Variants in TRPC1 observed in about 807,000 individuals in gnomAD.
TRPC1 encodes short transient receptor potential channel 1.
A neutral mutation model predicts 88.2 loss-of-function variants in TRPC1; 42 were observed. The ratio of observed to expected loss-of-function variants is 0.48; its 90% CI spans 0.37 to 0.62. The LOEUF (loss-of-function observed/expected upper bound fraction) is 0.62. TRPC1 is among the 20% of genes least tolerant of loss of function. The pLI, the probability that TRPC1 is intolerant of heterozygous loss-of-function variation, is 0.00. For missense variants in TRPC1, 699 were observed against 957.3 expected, an observed-to-expected ratio of 0.73 and a Z score of 3.56; for synonymous variants, 288 against 331.8, an observed-to-expected ratio of 0.87 and a Z score of 1.43.
chr3:142,798,464 A>G (rs1936518222), intron 9 of TRPC1, among the ~76,000 whole-genome samples: 2 of 152,314 alleles, frequency 1.3e-5, no homozygotes, highest in African/African-American at 2.4e-5. Context: ...CTGAGGAAGT[A>G]GCCGGAGAGA....
intron 4 of TRPC1, among the ~76,000 whole-genome samples, chr3:142,773,187 T>C (rs912275859): frequency 6.6e-6 from 1 of 152,162 alleles, no homozygotes; most frequent in Admixed American, 6.5e-5. Flanking sequence ...ATTTCAGTCA[T>C]TGTACTTTTT....
At chr3:142,793,911 T>TCCTGAAGTGTGGCTCTCTTAA in intron 9 of TRPC1, 1 of 985,252 alleles carries the variant, frequency 1.0e-6, no homozygotes, top group Non-Finnish European at 1.2e-6. Context: ...CAACAGTGTT[T>TCCTGAAGTGTGGCTCTCTTAA]CCTGAAGTGT....
intron 4 of TRPC1, among the ~76,000 whole-genome samples, chr3:142,775,356 C>T (rs1935731287): frequency 6.6e-6 from 1 of 152,080 alleles, no homozygotes; most frequent in Non-Finnish European, 1.5e-5. Context: ...GTATTTAAGT[C>T]GCCTGTAATC....
intron 4 of TRPC1, among the ~76,000 whole-genome samples, chr3:142,772,168 GT>G (rs1935598711): frequency 6.6e-6 from 1 of 152,144 alleles, no homozygotes; most frequent in African/African-American, 2.4e-5. Flanking sequence ...CCTACTTGGA[GT>G]TTTTTTAGCT....
chr3:142,740,289 A>G lies in TRPC1; in HGVS notation c.328-3196A>G, dbSNP rs183130812. On this transcript the variant is annotated intron_variant, in intron 2 of 12. Transcript: ENST00000476941. ...CGTGGGTGACTAAGAGAAGGAAGAAAGGAAAACATTAAGTTCAGAAGCTAA... is the reference window on the plus strand; with the variant it reads ...CGTGGGTGACTAAGAGAAGGAAGAAGGGAAAACATTAAGTTCAGAAGCTAA... Among the ~76,000 whole-genome samples, 110 of 152,364 alleles carry G rather than the reference A, an allele frequency of 7.2e-4. 4 individuals carry two copies. In the East Asian group the frequency reaches 0.02, roughly 27 times the overall value.
In TRPC1 at chr3:142,724,539, C is replaced by CT; in HGVS notation, c.-20dup. The CT allele has an allele frequency of 6.5e-7, 1 of 1,547,514 alleles. No homozygotes were observed. The highest frequency in any genetic ancestry group is 8.7e-7 in the Non-Finnish European group (1 of 1,148,930). On this transcript the variant is annotated 5_prime_UTR_variant, in exon 1 of 13. Transcript: ENST00000476941. This position sits in a 1 kb window ranked among gnomAD's most constrained non-coding sequence, Gnocchi z 5.6. ...GGGGGCCCCGCCCCCGTCTCCTGGC[C>CT]TGCCCCCTTCATGGGCCGCGATGAT...
intron 3 of TRPC1, among the ~76,000 whole-genome samples, chr3:142,747,876 C>T (rs1934616663): frequency 6.6e-6 from 1 of 152,024 alleles, no homozygotes; most frequent in Non-Finnish European, 1.5e-5. Context: ...TATTTTTTAG[C>T]ATTTTTATTT....
intron 1 of TRPC1, among the ~76,000 whole-genome samples, chr3:142,726,450 T>C (rs1933671303): frequency 6.6e-6 from 1 of 152,186 alleles, no homozygotes; most frequent in African/African-American, 2.4e-5. Context: ...TTTTTTATTT[T>C]ATAACATAAT....
intron 2 of TRPC1, among the ~76,000 whole-genome samples, chr3:142,738,123 A>G (rs1486360442): frequency 1.3e-5 from 2 of 152,204 alleles, no homozygotes; most frequent in African/African-American, 2.4e-5. Context: ...ACCTATATAG[A>G]TGTTACATTT....
At chr3:142,803,908 T>A (rs112321029) in intron 10 of TRPC1, 69 bp from the exon 11 acceptor site, 1 of 1,450,306 alleles carries the variant, frequency 6.9e-7, no homozygotes, top group Admixed American at 1.9e-5. Flanking sequence ...AATTTTGATA[T>A]AAACAAATGA....
intron 4 of TRPC1, among the ~76,000 whole-genome samples, chr3:142,769,441 C>T (rs1330306074): frequency 2.0e-5 from 3 of 152,156 alleles, no homozygotes; most frequent in South Asian, 4.1e-4. Context: ...AGTCTTCCCA[C>T]CTCAGCCTCC....
chr3:142,807,250 A>T lies in TRPC1; in HGVS notation c.*1015A>T, dbSNP rs937749304. 4 of 152,206 alleles carry T rather than the reference A, an allele frequency of 2.6e-5. No homozygotes were observed. Among genetic ancestry groups the T allele is most frequent in the African/African-American group, 9.6e-5 (4 of 41,458 alleles). 9.4% of individuals were successfully genotyped at this position (152,206 alleles called of 1,614,324 possible). On this transcript the variant is annotated 3_prime_UTR_variant, in exon 13 of 13. Transcript: ENST00000476941. ...ACTAAGGTTCTTGAGCTTATCTCCC[A>T]AGGTACTTTCCATAATTTAACACAG...
chr3:142,731,680 G>A (rs998514873), intron 1 of TRPC1, among the ~76,000 whole-genome samples: 1 of 151,888 alleles, frequency 6.6e-6, no homozygotes, highest in African/African-American at 2.4e-5. Context: ...CACCGCGCCC[G>A]GCTTGTGTTT....
chr3:142,784,545 T>C (rs571303921), intron 6 of TRPC1, among the ~76,000 whole-genome samples, 159 bp from the exon 7 acceptor site: 6 of 152,360 alleles, frequency 3.9e-5, no homozygotes, highest in Non-Finnish European at 7.3e-5. Context: ...AACCTCTACA[T>C]GCTTTTATTG....
In TRPC1 at chr3:142,792,762, T is replaced by C; in HGVS notation, c.1438-62T>C. ...GCTTTCTTTCAACAGTCAGAATATT[T>C]GCTTTTATTTTCCTAAATTGAGAGA... On this transcript the variant is annotated intron_variant, in intron 8 of 12. Coordinates refer to ENST00000476941, the MANE Select transcript of TRPC1 (RefSeq NM_001251845.2). The surrounding 1 kb of genome is among the most constrained non-coding windows in gnomAD (Gnocchi z 4.0). The C allele has an allele frequency of 2.1e-6, 3 of 1,451,940 alleles. No individual in the cohort carries two copies. Among genetic ancestry groups the C allele is most frequent in the Middle Eastern group, 1.8e-4 (1 of 5,472 alleles). The allele number at this position is 1,451,940 out of a possible 1,614,324, so 89.9% of individuals were successfully genotyped here.
chr3:142,802,148 C>G (rs201655674), intron 9 of TRPC1, 21 bp from the exon 10 acceptor site: 1 of 1,454,952 alleles, frequency 6.9e-7, no homozygotes, highest in Admixed American at 2.5e-5. Flanking sequence ...TTAATGAACA[C>G]CTGTGTAATA....
At position 142,724,785 on chromosome 3, in the gene TRPC1, T is replaced by C. The variant is rs575602663; in HGVS notation, c.172+54T>C. 2.0e-5 allele frequency: 29 copies of C among 1,457,868 alleles called. No individual in the cohort carries two copies. The highest frequency in any genetic ancestry group is 2.6e-5 in the Non-Finnish European group (28 of 1,096,756). The allele number at this position is 1,457,868 out of a possible 1,614,324, so 90.3% of individuals were successfully genotyped here. A position where few individuals can be genotyped will look rare whatever the true frequency, so the allele number is the denominator to read the frequency against. On this transcript the variant is annotated intron_variant, in intron 1 of 12. Coordinates refer to ENST00000476941, the MANE Select transcript of TRPC1 (RefSeq NM_001251845.2). The surrounding 1 kb of genome is among the most constrained non-coding windows in gnomAD (Gnocchi z 5.6). ...ACGCCCCTGTCCTCCAGACCTTTAGTCCTCTCCCCCGCCTCAACTTATATC... is the reference window on the plus strand; with the variant it reads ...ACGCCCCTGTCCTCCAGACCTTTAGCCCTCTCCCCCGCCTCAACTTATATC...
intron 4 of TRPC1, among the ~76,000 whole-genome samples, chr3:142,769,036 C>T (rs1029797319): frequency 2.6e-5 from 4 of 151,920 alleles, no homozygotes; most frequent in Non-Finnish European, 5.9e-5. Flanking sequence ...TTCCAGTTAC[C>T]GTTTCCTTTC....
chr3:142,753,175 G>A (rs978043578), intron 4 of TRPC1, among the ~76,000 whole-genome samples: 1 of 152,152 alleles, frequency 6.6e-6, no homozygotes, highest in African/African-American at 2.4e-5. Flanking sequence ...ACTTTACCTG[G>A]CTTGGTTTGA....
Sources: gnomAD v4.1 joint callset for allele counts (sites outside exome capture counted in the v4.1 genomes callset) on GRCh38, gnomAD v4.1.1 for gene constraint, Gnocchi (gnomAD v3.1) non-coding constraint, MANE v1.5 for transcripts, NCBI Gene and HGNC (gene_info 2026-07-23, HGNC 2026-07-21) for gene names.